The following BBX variants were observed in gnomAD, a reference collection of about 807,000 sequenced individuals.
BBX encodes BBX high mobility group box domain containing.
Under a neutral mutation model 100.2 loss-of-function variants are expected in BBX, and 30 were observed. The ratio of observed to expected loss-of-function variants is 0.30; its 90% CI spans 0.22 to 0.41. BBX has a LOEUF of 0.41. Among genes scored for constraint, BBX ranks in the 10% least tolerant of loss-of-function variants. The pLI is 1.00. For synonymous variants in BBX, 376 were observed against 388.1 expected (o/e 0.97, Z 0.37); for missense variants, 1,023 against 1,129.8 (o/e 0.91, Z 1.35).
intron 5 of BBX, among the ~76,000 whole-genome samples, chr3:107,718,658 C>T (rs1204405948): frequency 6.6e-6 from 1 of 151,852 alleles, no homozygotes; most frequent in African/African-American, 2.4e-5. Flanking sequence ...CTTAAAAACT[C>T]CTAATTTACA....
intron 15 of BBX, among the ~76,000 whole-genome samples, chr3:107,791,700 GCC>G (rs1186061999): frequency 6.6e-6 from 1 of 152,232 alleles, no homozygotes; most frequent in Non-Finnish European, 1.5e-5. Context: ...TGTTTTCCTA[GCC>G]CATTAAAATA....
intron 12 of BBX, among the ~76,000 whole-genome samples, chr3:107,776,530 C>T (rs967931485): frequency 6.6e-6 from 1 of 152,104 alleles, no homozygotes; most frequent in Admixed American, 6.6e-5. Flanking sequence ...GTTTAGAACA[C>T]GCCAGTATAA....
At chr3:107,721,819 A>G (rs1274563120) in intron 5 of BBX, among the ~76,000 whole-genome samples, 1 of 152,008 alleles carries the variant, frequency 6.6e-6, no homozygotes, top group Non-Finnish European at 1.5e-5. Flanking sequence ...GGCAATTAAG[A>G]TGCCTGCCCT....
Position 107,638,780 on chromosome 3 carries a change from T to TACACAC in BBX, c.-83-7008_-83-7003dup, listed in dbSNP as rs61081300. Among the ~76,000 whole-genome samples, 650 of 99,818 alleles carry TACACAC rather than the reference T, an allele frequency of 6.5e-3. 9 individuals are homozygous for TACACAC. The highest frequency in any genetic ancestry group is 0.013 in the South Asian group (35 of 2,694). The allele number at this position is 99,818 out of a possible 152,430, so 65.5% of individuals were successfully genotyped here. Reference sequence around the variant, plus strand: ...TACCAAAAAAAAAAAAAAAAAAGTATACACACACACACACACACACACACA... The same window carrying TACACAC: ...TACCAAAAAAAAAAAAAAAAAAGTATACACACACACACACACACACACACACACACA... On this transcript the variant is annotated intron_variant, in intron 2 of 17. Transcript: ENST00000325805.
At chr3:107,544,142 C>T (rs1245578247) in intron 2 of BBX, among the ~76,000 whole-genome samples, 1 of 152,132 alleles carries the variant, frequency 6.6e-6, no homozygotes, top group Non-Finnish European at 1.5e-5. Flanking sequence ...TGGGAGTTCA[C>T]CTGGGAAATG....
At chr3:107,770,316 G>GA (rs1317851110) in intron 10 of BBX, among the ~76,000 whole-genome samples, 1 of 152,176 alleles carries the variant, frequency 6.6e-6, no homozygotes, top group Non-Finnish European at 1.5e-5. Flanking sequence ...AAATGTTCCT[G>GA]AAGTGACCTA....
chr3:107,729,354 A>T (rs1200520927), intron 6 of BBX, among the ~76,000 whole-genome samples: 2 of 152,138 alleles, frequency 1.3e-5, no homozygotes, highest in African/African-American at 4.8e-5. Flanking sequence ...CATGTAGATC[A>T]TCTGGGTGTT....
chr3:107,615,552 C>A (rs959008517), intron 2 of BBX, among the ~76,000 whole-genome samples: 1 of 152,034 alleles, frequency 6.6e-6, no homozygotes, highest in Non-Finnish European at 1.5e-5. Context: ...TCTACCATCA[C>A]GATCTAATCA....
chr3:107,579,359 A>G (rs1446140636), intron 2 of BBX, among the ~76,000 whole-genome samples: 1 of 152,166 alleles, frequency 6.6e-6, no homozygotes, highest in Non-Finnish European at 1.5e-5. Context: ...CTCCTTTAGT[A>G]ACTTGTCCTG....
intron 3 of BBX, 117 bp downstream of exon 3, chr3:107,646,026 A>T (rs1559913546): frequency 6.6e-6 from 1 of 152,360 alleles, no homozygotes; most frequent in Non-Finnish European, 1.5e-5. Flanking sequence ...ATCATTGGAT[A>T]TTTTTTTCTT....
At position 107,797,337 on chromosome 3, in the gene BBX, AATATATATATATAT is replaced by A. The variant is rs369837058; in HGVS notation, c.2354-1172_2354-1159del. Among the ~76,000 whole-genome samples, 11 of 39,346 alleles carry A rather than the reference AATATATATATATAT, an allele frequency of 2.8e-4. 1 individual carries two copies. The East Asian group carries it at 4.7e-3, about 17-fold the overall frequency. 25.8% of individuals were successfully genotyped at this position (39,346 alleles called of 152,430 possible). A position where few individuals can be genotyped will look rare whatever the true frequency, so the allele number is the denominator to read the frequency against. ...TCCTCTTAGTTTAGCTTTTCTTCCA[AATATATATATATAT>A]ATATATATATATAGCTTTATTGCCA... On this transcript the variant is annotated intron_variant, in intron 15 of 17. Coordinates refer to ENST00000325805, the MANE Select transcript of BBX (RefSeq NM_001142568.3).
chr3:107,584,214 ATT>A (rs1319611997), intron 2 of BBX, among the ~76,000 whole-genome samples: 1 of 84,152 alleles, frequency 1.2e-5, no homozygotes, highest in Non-Finnish European at 2.4e-5. Context: ...TATTATATAT[ATT>A]ATATATAATA....
intron 2 of BBX, among the ~76,000 whole-genome samples, chr3:107,568,156 A>G (rs2051059305): frequency 6.6e-6 from 1 of 151,270 alleles, no homozygotes; most frequent in Admixed American, 6.6e-5. Flanking sequence ...TTTCATTGAT[A>G]TGTTTTAGGT....
At chr3:107,627,324 A>G (rs1317905371) in intron 2 of BBX, among the ~76,000 whole-genome samples, 3 of 152,230 alleles carry the variant, frequency 2.0e-5, no homozygotes, top group Non-Finnish European at 4.4e-5. Flanking sequence ...TGTTTCCCAA[A>G]TGCAGAGGCT....
intron 3 of BBX, among the ~76,000 whole-genome samples, chr3:107,649,322 A>G (rs1559917573): frequency 6.6e-6 from 1 of 152,204 alleles, no homozygotes; most frequent in Non-Finnish European, 1.5e-5. Flanking sequence ...ATAAGGTTAG[A>G]AGGCAAGACA....
chr3:107,569,673 C>G (rs1485643775), intron 2 of BBX, among the ~76,000 whole-genome samples: 2 of 152,110 alleles, frequency 1.3e-5, no homozygotes, highest in Non-Finnish European at 2.9e-5. Context: ...GAATGTTGTC[C>G]AAGTTGGCAT....
At chr3:107,733,923 C>T (rs952549372) in intron 7 of BBX, among the ~76,000 whole-genome samples, 6 of 152,090 alleles carry the variant, frequency 3.9e-5, no homozygotes, top group African/African-American at 1.4e-4. Context: ...GTAGAATTCC[C>T]CTATTTCCCA....
chr3:107,785,213 C>G (rs1289531909), intron 13 of BBX, among the ~76,000 whole-genome samples: 1 of 148,306 alleles, frequency 6.7e-6, no homozygotes, highest in Non-Finnish European at 1.5e-5. Context: ...CAGATGGCAT[C>G]ACCACTGTAT....
chr3:107,706,976 A>G (rs952522783), intron 3 of BBX, among the ~76,000 whole-genome samples: 1 of 152,212 alleles, frequency 6.6e-6, no homozygotes, highest in Non-Finnish European at 1.5e-5. Flanking sequence ...CCTTCTTTCA[A>G]TAATTTGAAC....
Sources: gnomAD v4.1 joint callset for allele counts (sites outside exome capture counted in the v4.1 genomes callset) on GRCh38, gnomAD v4.1.1 for gene constraint, MANE v1.5 for transcripts, NCBI Gene and HGNC (gene_info 2026-07-23, HGNC 2026-07-21) for gene names.